KCNJ1: variants seen among roughly 807,000 people sequenced by gnomAD.
KCNJ1 encodes the protein potassium inwardly rectifying channel subfamily J member 1.
In KCNJ1, 24 loss-of-function variants were observed where a neutral mutation model predicts 21.9. The ratio of observed to expected loss-of-function variants is 1.10; its 90% CI spans 0.79 to 1.54. The LOEUF (loss-of-function observed/expected upper bound fraction) is 1.54, where lower values mean the gene tolerates loss of function less well. Among genes scored for constraint, KCNJ1 ranks in the 40% most tolerant of loss-of-function variants. The probability of loss-of-function intolerance (pLI) is 0.00; values close to 1 mark genes in which losing one functional copy is unlikely to be tolerated. For missense variants in KCNJ1, 457 were observed against 455.4 expected, an observed-to-expected ratio of 1.00 and a Z score of -0.03; for synonymous variants, 152 against 160.9, an observed-to-expected ratio of 0.94 and a Z score of 0.42.
At chr11:128,845,456 T>C (rs1943361881) in intron 2 of KCNJ1, among the ~76,000 whole-genome samples, 1 of 152,174 alleles carries the variant, frequency 6.6e-6, no homozygotes, top group Non-Finnish European at 1.5e-5. Context: ...CTGTTTTCTA[T>C]GAAAATCATC....
chr11:128,846,434 G>A (rs895803240), intron 2 of KCNJ1, among the ~76,000 whole-genome samples: 5 of 152,108 alleles, frequency 3.3e-5, no homozygotes, highest in Middle Eastern at 3.2e-3. Context: ...CAGGCCAATC[G>A]GGGTCTACCT....
At chr11:128,856,402 G>A (rs1943591464) in intron 1 of KCNJ1, among the ~76,000 whole-genome samples, 1 of 152,202 alleles carries the variant, frequency 6.6e-6, no homozygotes, top group African/African-American at 2.4e-5. Context: ...TCTTGGCCAG[G>A]GTTGCAGGTA....
At chr11:128,849,348 C>G (rs1051092613) in intron 2 of KCNJ1, among the ~76,000 whole-genome samples, 1 of 152,202 alleles carries the variant, frequency 6.6e-6, no homozygotes, top group Non-Finnish European at 1.5e-5. Flanking sequence ...TTACTCTGCG[C>G]CAGGAATGGT....
chr11:128,840,373 G>A, intron 2 of KCNJ1, 109 bp from the exon 3 acceptor site: 1 of 1,059,696 alleles, frequency 9.4e-7, no homozygotes, highest in Non-Finnish European at 1.4e-6. Flanking sequence ...AAATTATCTG[G>A]GTTACTAATC....
chr11:128,843,593 A>T (rs1034137671), intron 2 of KCNJ1, among the ~76,000 whole-genome samples: 5 of 152,188 alleles, frequency 3.3e-5, no homozygotes, highest in African/African-American at 1.2e-4. Context: ...GTTCTCAAGG[A>T]GTTCATAGTC....
chr11:128,855,112 G>T (rs1236193329), intron 1 of KCNJ1, among the ~76,000 whole-genome samples: 1 of 152,170 alleles, frequency 6.6e-6, no homozygotes, highest in Non-Finnish European at 1.5e-5. Flanking sequence ...AAAAATAGTT[G>T]CTAAGAAACG....
At chr11:128,844,460 A>G (rs1943344338) in intron 2 of KCNJ1, among the ~76,000 whole-genome samples, 1 of 152,250 alleles carries the variant, frequency 6.6e-6, no homozygotes, top group Non-Finnish European at 1.5e-5. Flanking sequence ...AAAATTCTAA[A>G]TAAGTCTGAA....
intron 1 of KCNJ1, among the ~76,000 whole-genome samples, chr11:128,855,091 G>A (rs1436635535): frequency 6.6e-6 from 1 of 152,122 alleles, no homozygotes; most frequent in Non-Finnish European, 1.5e-5. Context: ...ATTAAGCCTG[G>A]AAAACAAACA....
chr11:128,841,987 A>G (rs909754425), intron 2 of KCNJ1, among the ~76,000 whole-genome samples: 3 of 152,212 alleles, frequency 2.0e-5, no homozygotes, highest in African/African-American at 7.2e-5. Context: ...TTGTACACAC[A>G]TCCTTTACCC....
chr11:128,841,229 T>C (rs985024421), intron 2 of KCNJ1, among the ~76,000 whole-genome samples: 1 of 152,242 alleles, frequency 6.6e-6, no homozygotes, highest in African/African-American at 2.4e-5. Flanking sequence ...GCTGGAGGAC[T>C]GGGGAGCACT....
chr11:128,842,746 G>T (rs1232687023), intron 2 of KCNJ1, among the ~76,000 whole-genome samples: 1 of 152,108 alleles, frequency 6.6e-6, no homozygotes, highest in Non-Finnish European at 1.5e-5. Context: ...CCTCTCCTTG[G>T]CCACGCTCTA....
chr11:128,844,719 C>T (rs1031249574), intron 2 of KCNJ1, among the ~76,000 whole-genome samples: 2 of 152,124 alleles, frequency 1.3e-5, no homozygotes, highest in African/African-American at 2.4e-5. Flanking sequence ...TTTCTTACAG[C>T]ACTTACCACC....
intron 1 of KCNJ1, among the ~76,000 whole-genome samples, chr11:128,851,846 T>C (rs1591413880): frequency 1.3e-5 from 2 of 152,204 alleles, no homozygotes; most frequent in South Asian, 4.1e-4. Flanking sequence ...CTAGTATTCA[T>C]TATGTTGCAT....
At chr11:128,840,675 A>G (rs1375851526) in intron 2 of KCNJ1, among the ~76,000 whole-genome samples, 1 of 152,228 alleles carries the variant, frequency 6.6e-6, no homozygotes, top group African/African-American at 2.4e-5. Context: ...TTTCTGAGAA[A>G]TCACAAACTT....
chr11:128,855,674 T>C (rs1787455712), intron 1 of KCNJ1, among the ~76,000 whole-genome samples: 1 of 152,180 alleles, frequency 6.6e-6, no homozygotes, highest in Non-Finnish European at 1.5e-5. Context: ...TTCTCCTCCA[T>C]GAACATGGAA....
chr11:128,842,569 T>C lies in KCNJ1; in HGVS notation c.-21-2305A>G, dbSNP rs533102442. The C allele has an allele frequency of 6.7e-6, 10 of 1,494,832 alleles. No individual in the cohort carries two copies. In the Admixed American group the frequency reaches 2.0e-4, roughly 29 times the overall value. The allele number at this position is 1,494,832 out of a possible 1,614,324, so 92.6% of individuals were successfully genotyped here. A position where few individuals can be genotyped will look rare whatever the true frequency, so the allele number is the denominator to read the frequency against. The stretch of plus-strand genomic sequence containing the variant: ...AACACTTAATTTGATAGTGGAGTCG[T>C]GTGATTTAAACCAAGGCAATTGGTT... On this transcript the variant is annotated intron_variant, in intron 2 of 2. Coordinates refer to ENST00000392666, the MANE Select transcript of KCNJ1 (RefSeq NM_153766.3).
rs950372082 is a variant in KCNJ1 at position 128,838,375 on chromosome 11, C to A, written c.*750G>T. On this transcript the variant is annotated 3_prime_UTR_variant, in exon 3 of 3. Coordinates refer to ENST00000392666, the MANE Select transcript of KCNJ1 (RefSeq NM_153766.3). Reference sequence around the variant, plus strand: ...GTGCATTAATGATACATTCCCTTCTCTACTGACTTTGCACCTTCCAACTCC... The same window carrying A: ...GTGCATTAATGATACATTCCCTTCTATACTGACTTTGCACCTTCCAACTCC... 1.3e-5 allele frequency: 2 copies of A among 152,356 alleles called. No individual in the cohort carries two copies. The highest frequency in any genetic ancestry group is 4.8e-5 in the African/African-American group (2 of 41,460). The allele number at this position is 152,356 out of a possible 1,614,324, so 9.4% of individuals were successfully genotyped here. A position where few individuals can be genotyped will look rare whatever the true frequency, so the allele number is the denominator to read the frequency against.
chr11:128,860,902 G>A (rs999478071), intron 1 of KCNJ1, among the ~76,000 whole-genome samples: 3 of 152,124 alleles, frequency 2.0e-5, no homozygotes, highest in Admixed American at 6.5e-5. Flanking sequence ...AGATCATGTC[G>A]CCGGGGCCTG....
At chr11:128,853,457 C>T (rs1183314207) in intron 1 of KCNJ1, among the ~76,000 whole-genome samples, 1 of 152,170 alleles carries the variant, frequency 6.6e-6, no homozygotes, top group African/African-American at 2.4e-5. Flanking sequence ...ATAGGCAAAT[C>T]TACAGAGAAA....
Sources: gnomAD v4.1 joint callset for allele counts (sites outside exome capture counted in the v4.1 genomes callset) on GRCh38, gnomAD v4.1.1 for gene constraint, MANE v1.5 for transcripts, NCBI Gene and HGNC (gene_info 2026-07-23, HGNC 2026-07-21) for gene names.